Variants in SCFD1 observed in about 807,000 individuals in gnomAD.
SCFD1 encodes sec1 family domain-containing protein 1.
A neutral mutation model predicts 103.2 loss-of-function variants in SCFD1; 37 were observed. That is an observed-to-expected ratio of 0.36 (90% CI 0.28 to 0.47). The LOEUF (loss-of-function observed/expected upper bound fraction) is 0.47. SCFD1 is among the 20% of genes least tolerant of loss of function. SCFD1 has a pLI of 1.00. For synonymous variants in SCFD1, 264 were observed against 245.0 expected, an observed-to-expected ratio of 1.08 and a Z score of -0.73; for missense variants, 639 against 761.2, an observed-to-expected ratio of 0.84 and a Z score of 1.89.
intron 7 of SCFD1, among the ~76,000 whole-genome samples, chr14:30,648,920 A>T (rs1258607977): frequency 1.3e-5 from 2 of 149,990 alleles, no homozygotes; most frequent in African/African-American, 4.9e-5. Flanking sequence ...GCTAGCCATG[A>T]CTGCACCACT....
chr14:30,721,277 T>C (rs919934516), intron 21 of SCFD1, among the ~76,000 whole-genome samples: 4 of 152,204 alleles, frequency 2.6e-5, no homozygotes, highest in Admixed American at 2.6e-4. Context: ...AAAATCTAAG[T>C]TGTCCTTTTA....
At chr14:30,718,375 T>C (rs1892428563) in intron 20 of SCFD1, among the ~76,000 whole-genome samples, 1 of 152,254 alleles carries the variant, frequency 6.6e-6, no homozygotes, top group Non-Finnish European at 1.5e-5. Flanking sequence ...GAAAGTTCAT[T>C]GATCAGTTCC....
At chr14:30,683,767 A>G (rs1476443882) in intron 14 of SCFD1, among the ~76,000 whole-genome samples, 2 of 152,238 alleles carry the variant, frequency 1.3e-5, no homozygotes, top group Non-Finnish European at 2.9e-5. Flanking sequence ...AAGGTTTATC[A>G]TTCCCTGTAC....
At chr14:30,670,458 C>T in intron 11 of SCFD1, 63 bp downstream of exon 11, 1 of 1,232,424 alleles carries the variant, frequency 8.1e-7, no homozygotes, top group Non-Finnish European at 1.1e-6. Context: ...GTGTCATCCA[C>T]CTTAATGAAT....
chr14:30,622,539 T>G, intron 1 of SCFD1, 140 bp downstream of exon 1: 1 of 1,388,368 alleles, frequency 7.2e-7, no homozygotes, highest in South Asian at 1.6e-5. Context: ...CCCTTTGAGT[T>G]TTTGGGGAGA....
At chr14:30,638,586 GA>G (rs745389287) in intron 5 of SCFD1, among the ~76,000 whole-genome samples, 8 of 152,058 alleles carry the variant, frequency 5.3e-5, no homozygotes, top group Non-Finnish European at 1.2e-4. Context: ...AAAGTATGTT[GA>G]CATTGTTTTA....
chr14:30,664,767 A>G (rs1051991987), intron 10 of SCFD1, among the ~76,000 whole-genome samples: 5 of 152,210 alleles, frequency 3.3e-5, no homozygotes, highest in African/African-American at 9.6e-5. Context: ...TCAGTAGCCA[A>G]TTCGATCAAG....
intron 18 of SCFD1, among the ~76,000 whole-genome samples, chr14:30,706,174 T>C (rs1891455917): frequency 6.6e-6 from 1 of 152,214 alleles, no homozygotes; most frequent in Non-Finnish European, 1.5e-5. Flanking sequence ...TATCATTTTT[T>C]AGTGTTGGGC....
rs1295781038 is a variant in SCFD1, at chr14:30,635,002, G to A, written c.312+965G>A. 3 of 455,532 alleles carry A rather than the reference G, an allele frequency of 6.6e-6. No individual in the cohort carries two copies. The East Asian group carries it at 2.1e-4, about 32-fold the overall frequency. 28.2% of individuals were successfully genotyped at this position (455,532 alleles called of 1,614,324 possible). On this transcript the variant is annotated intron_variant, in intron 4 of 24. Coordinates refer to ENST00000458591, the MANE Select transcript of SCFD1 (RefSeq NM_016106.4). ...AAGAAAATCTAGCAAGATTCTTTTA[G>A]CAAGGAAAAGGAGAAAAGTAGATAT...
chr14:30,705,611 G>A (rs1043309500), intron 17 of SCFD1, among the ~76,000 whole-genome samples: 2 of 152,142 alleles, frequency 1.3e-5, no homozygotes, highest in African/African-American at 4.8e-5. Context: ...ATTCCAGCCT[G>A]GGTGACAGAG....
chr14:30,707,624 G>GT (rs912805549), intron 18 of SCFD1, among the ~76,000 whole-genome samples: 35 of 151,534 alleles, frequency 2.3e-4, no homozygotes, highest in African/African-American at 6.0e-4. Flanking sequence ...CTTTAAATTG[G>GT]TTTTTTTTAG....
chr14:30,658,023 A>G, intron 10 of SCFD1: 1 of 450,898 alleles, frequency 2.2e-6, no homozygotes, highest in East Asian at 7.0e-5. Context: ...TTATTGGGAT[A>G]TAAGAAGCAA....
intron 23 of SCFD1, chr14:30,722,842 C>CAAAA: frequency 1.7e-5 from 3 of 181,106 alleles, no homozygotes; most frequent in Non-Finnish European, 2.2e-5. Flanking sequence ...GACCTCTTCC[C>CAAAA]AAAAAAAAAA....
At chr14:30,715,695 T>C (rs950686376) in intron 19 of SCFD1, 3 of 404,394 alleles carry the variant, frequency 7.4e-6, no homozygotes, top group Non-Finnish European at 1.3e-5. Flanking sequence ...TGAATACACC[T>C]ATACATTTAA....
At chr14:30,718,778 T>G (rs1169599408) in intron 20 of SCFD1, among the ~76,000 whole-genome samples, 1 of 152,196 alleles carries the variant, frequency 6.6e-6, no homozygotes, top group Non-Finnish European at 1.5e-5. Flanking sequence ...TGGCTGGTAG[T>G]GGTTTCTTGG....
At chr14:30,673,878 T>C (rs1888779538) in intron 12 of SCFD1, 46 bp from the exon 13 acceptor site, 1 of 1,289,446 alleles carries the variant, frequency 7.8e-7, no homozygotes, top group Non-Finnish European at 1.1e-6. Context: ...TTTATGCTTG[T>C]GCCTGGGATT....
chr14:30,702,233 G>A (rs1891128896), intron 16 of SCFD1, 63 bp from the exon 17 acceptor site: 2 of 1,074,524 alleles, frequency 1.9e-6, no homozygotes, highest in Non-Finnish European at 1.4e-6. Flanking sequence ...TAATCAAATG[G>A]CAACAAATAA....
chr14:30,693,040 T>C lies in SCFD1; in HGVS notation c.1243-1733T>C, dbSNP rs1039983104. Among the ~76,000 whole-genome samples, 3 of 152,308 alleles carry C rather than the reference T, an allele frequency of 2.0e-5. No individual in the cohort carries two copies. The East Asian group carries it at 5.8e-4, about 29-fold the overall frequency. On this transcript the variant is annotated intron_variant, in intron 14 of 24. Transcript: ENST00000458591. The stretch of plus-strand genomic sequence containing the variant: ...CTCATTTCTAGGACTTTACTGTGTA[T>C]CAATTTTAGTATTCAAACTAGCTTT...
intron 7 of SCFD1, among the ~76,000 whole-genome samples, chr14:30,646,972 T>A (rs1885896350): frequency 6.6e-6 from 1 of 152,138 alleles, no homozygotes; most frequent in Non-Finnish European, 1.5e-5. Flanking sequence ...CCCTTGTCAT[T>A]TCTCATTGTG....
Sources: allele counts gnomAD v4.1 joint callset (sites outside exome capture counted in the v4.1 genomes callset), GRCh38; gene constraint gnomAD v4.1.1; transcripts MANE v1.5; gene names NCBI Gene and HGNC (gene_info 2026-07-23, HGNC 2026-07-21).